Variants in LUZP2 observed in about 807,000 individuals in gnomAD.
The protein encoded by LUZP2 is leucine zipper protein 2.
A neutral mutation model predicts 51.6 loss-of-function variants in LUZP2; 52 were observed. That is an observed-to-expected ratio of 1.01 (90% CI 0.81 to 1.27). The LOEUF (loss-of-function observed/expected upper bound fraction) is 1.27. Among genes scored for constraint, LUZP2 ranks in the 50% most tolerant of loss-of-function variants. The pLI is 0.00. For missense variants in LUZP2, 436 were observed against 395.4 expected, an observed-to-expected ratio of 1.10 and a Z score of -0.87; for synonymous variants, 154 against 137.3, an observed-to-expected ratio of 1.12 and a Z score of -0.85.
intron 10 of LUZP2, among the ~76,000 whole-genome samples, chr11:25,067,912 A>G (rs1352152485): frequency 1.3e-5 from 2 of 152,114 alleles, no homozygotes; most frequent in East Asian, 3.9e-4. Context: ...CTTGGAACCA[A>G]TCCAAATGCC....
intron 9 of LUZP2, among the ~76,000 whole-genome samples, chr11:25,003,141 G>A (rs900534054): frequency 2.0e-5 from 3 of 152,212 alleles, no homozygotes; most frequent in Admixed American, 6.5e-5. Context: ...AAGTTCAAGA[G>A]ATCTAGAGTA....
At chr11:24,511,633 T>C (rs1374515747) in intron 1 of LUZP2, among the ~76,000 whole-genome samples, 2 of 152,202 alleles carry the variant, frequency 1.3e-5, no homozygotes, top group African/African-American at 4.8e-5. Context: ...AACGTTGAAC[T>C]TAGGGCGTGC....
intron 1 of LUZP2, among the ~76,000 whole-genome samples, chr11:24,620,430 C>T (rs1415659105): frequency 6.6e-6 from 1 of 152,078 alleles, no homozygotes; most frequent in African/African-American, 2.4e-5. Context: ...AAAGAAGAGG[C>T]AATTGTCATA....
intron 7 of LUZP2, among the ~76,000 whole-genome samples, chr11:24,970,741 C>T (rs78675152): frequency 0.044 from 6,693 of 152,198 alleles, 340 homozygotes; most frequent in African/African-American, 0.12. Context: ...GCTACTGGTG[C>T]TATCCTTTAG....
rs1441752958 is a variant in LUZP2 at position 24,586,041 on chromosome 11, CAGTATTAG to C, written c.62+88737_62+88744del. On this transcript the variant is annotated intron_variant, in intron 1 of 11. Coordinates refer to ENST00000336930, the MANE Select transcript of LUZP2 (RefSeq NM_001009909.4). ...TTTTACAATATGCCTCTCAATCCAA[CAGTATTAG>C]CTCCAATCACTTTTCTTTCTCAATT... Among the ~76,000 whole-genome samples the C allele has an allele frequency of 5.3e-5, 8 of 152,046 alleles. 1 individual carries two copies. Among genetic ancestry groups the C allele is most frequent in the Non-Finnish European group, 1.2e-4 (8 of 67,998 alleles).
At chr11:24,571,759 A>G (rs1404364113) in intron 1 of LUZP2, among the ~76,000 whole-genome samples, 1 of 152,050 alleles carries the variant, frequency 6.6e-6, no homozygotes, top group Non-Finnish European at 1.5e-5. Context: ...TAATTTCTTG[A>G]GAAGTAACGA....
chr11:24,687,075 C>G (rs1433965383), intron 1 of LUZP2, among the ~76,000 whole-genome samples: 1 of 152,094 alleles, frequency 6.6e-6, no homozygotes, highest in Non-Finnish European at 1.5e-5. Flanking sequence ...CATTACACTA[C>G]AGAGTTGTCC....
intron 9 of LUZP2, among the ~76,000 whole-genome samples, chr11:24,988,228 A>G (rs1358856285): frequency 1.3e-5 from 2 of 152,016 alleles, no homozygotes; most frequent in Admixed American, 6.6e-5. Flanking sequence ...GAAAGGATGC[A>G]TGAGGGAGGT....
rs575734749 is a variant in LUZP2 at position 24,820,129 on chromosome 11, G to A, written c.396+56821G>A. Among the ~76,000 whole-genome samples the A allele has an allele frequency of 3.3e-5, 5 of 152,156 alleles. No individual in the cohort carries two copies. In the South Asian group the frequency reaches 1.0e-3, roughly 32 times the overall value. ...AGTGAGACAAAAGAAAAAAATATTT[G>A]AAATAAAGTGTGGAAATTGTTATAA... On this transcript the variant is annotated intron_variant, in intron 5 of 11. Transcript: ENST00000336930.
At chr11:24,510,466 C>T (rs144224821) in intron 1 of LUZP2, among the ~76,000 whole-genome samples, 6 of 152,216 alleles carry the variant, frequency 3.9e-5, no homozygotes, top group East Asian at 1.9e-4. Flanking sequence ...TTTTGGAATG[C>T]GTCAGAAAAT....
At chr11:24,748,720 G>A (rs1159133004) in intron 4 of LUZP2, among the ~76,000 whole-genome samples, 1 of 152,086 alleles carries the variant, frequency 6.6e-6, no homozygotes, top group Non-Finnish European at 1.5e-5. Context: ...GCCTCCCAAT[G>A]TGCTGGGATT....
intron 3 of LUZP2, among the ~76,000 whole-genome samples, chr11:24,734,998 G>A (rs141844149): frequency 6.6e-6 from 1 of 151,816 alleles, no homozygotes; most frequent in Admixed American, 6.6e-5. Flanking sequence ...ATGATTCAGA[G>A]GTGGCCACCG....
At chr11:24,712,431 T>A (rs944997217) in intron 1 of LUZP2, among the ~76,000 whole-genome samples, 3 of 152,092 alleles carry the variant, frequency 2.0e-5, no homozygotes, top group African/African-American at 7.2e-5. Flanking sequence ...GTACTGAGAT[T>A]AATTCCCAAC....
At chr11:25,050,383 G>A (rs1199914378) in intron 10 of LUZP2, among the ~76,000 whole-genome samples, 5 of 129,776 alleles carry the variant, frequency 3.9e-5, no homozygotes, top group African/African-American at 8.7e-5. Context: ...CTCACTGCAA[G>A]CTCCGCCGCC....
intron 1 of LUZP2, among the ~76,000 whole-genome samples, chr11:24,564,510 A>G (rs1202925670): frequency 6.6e-6 from 1 of 152,146 alleles, no homozygotes; most frequent in African/African-American, 2.4e-5. Context: ...TCAAGGTGAT[A>G]TTTTCAGGCA....
intron 1 of LUZP2, among the ~76,000 whole-genome samples, chr11:24,527,191 T>C (rs1850832912): frequency 6.6e-6 from 1 of 151,346 alleles, no homozygotes; most frequent in South Asian, 2.1e-4. Flanking sequence ...AAGATATTTA[T>C]TTTTTGTTCC....
intron 5 of LUZP2, among the ~76,000 whole-genome samples, chr11:24,857,388 A>C (rs1851603688): frequency 6.6e-6 from 1 of 150,378 alleles, no homozygotes; most frequent in Non-Finnish European, 1.5e-5. Context: ...AGTATAGTGT[A>C]TGATACATTA....
In LUZP2 at chr11:24,714,475, A is replaced by G. The variant is rs1181240289; in HGVS notation, c.63-14694A>G. Reference sequence around the variant, plus strand: ...TGGTGGGAAAGTGTATGCCAAGAACAAAGATTTGGCACGGAGTAATATTAA... The same window carrying G: ...TGGTGGGAAAGTGTATGCCAAGAACGAAGATTTGGCACGGAGTAATATTAA... On this transcript the variant is annotated intron_variant, in intron 1 of 11. Coordinates refer to ENST00000336930, the MANE Select transcript of LUZP2 (RefSeq NM_001009909.4). 2.0e-5 allele frequency among the ~76,000 whole-genome samples: 3 copies of G among 152,166 alleles called. No homozygotes were observed. The East Asian group carries it at 5.8e-4, about 29-fold the overall frequency.
chr11:24,926,331 A>ATATACGTGTG (rs1854245130), intron 7 of LUZP2, among the ~76,000 whole-genome samples: 1 of 108,052 alleles, frequency 9.3e-6, no homozygotes, highest in African/African-American at 4.5e-5. Flanking sequence ...GTGTGTGTAT[A>ATATACGTGTG]TATATATACG....
Sources: gnomAD v4.1 joint callset for allele counts (sites outside exome capture counted in the v4.1 genomes callset) on GRCh38, gnomAD v4.1.1 for gene constraint, MANE v1.5 for transcripts, NCBI Gene and HGNC (gene_info 2026-07-23, HGNC 2026-07-21) for gene names.